The following HPSE2 variants were observed in gnomAD, a reference collection of about 807,000 sequenced individuals.
HPSE2 encodes the protein heparanase 2 (inactive).
HPSE2 carries 38 observed loss-of-function variants against 60.5 expected under a neutral mutation model. The observed-to-expected ratio is 0.63, with a 90% confidence interval of 0.48 to 0.82. HPSE2 has a LOEUF of 0.82. HPSE2 is among the 40% of genes least tolerant of loss of function. The pLI, the probability that HPSE2 is intolerant of heterozygous loss-of-function variation, is 0.00. For missense variants in HPSE2, 713 were observed against 740.4 expected (o/e 0.96, Z 0.43); for synonymous variants, 295 against 293.2 (o/e 1.01, Z -0.06).
the HPSE2 span, among the ~76,000 whole-genome samples, chr10:99,283,181 G>A: frequency 2.4e-4 from 30 of 126,408 alleles, no homozygotes; most frequent in African/African-American, 8.1e-4. Flanking sequence ...GTAAGACTCC[G>A]TCTCAGGTTA....
chr10:99,000,471 G>C (rs548111217), intron 3 of HPSE2, among the ~76,000 whole-genome samples: 1 of 152,156 alleles, frequency 6.6e-6, no homozygotes, highest in South Asian at 2.1e-4. Context: ...AAATTGCATA[G>C]AGTGACAAGA....
chr10:98,930,460 C>T (rs1954612949), intron 3 of HPSE2, among the ~76,000 whole-genome samples: 1 of 144,394 alleles, frequency 6.9e-6, no homozygotes, highest in Non-Finnish European at 1.5e-5. Flanking sequence ...GTGCATGTAT[C>T]TTTATAAAAG....
chr10:99,069,277 T>C (rs1431769785), intron 3 of HPSE2, among the ~76,000 whole-genome samples: 2 of 152,018 alleles, frequency 1.3e-5, no homozygotes, highest in Non-Finnish European at 2.9e-5. Context: ...AACCTGAATC[T>C]CAGAAGTCCT....
intron 6 of HPSE2, among the ~76,000 whole-genome samples, chr10:98,692,596 G>A (rs1948104532): frequency 6.6e-6 from 1 of 152,030 alleles, no homozygotes; most frequent in South Asian, 2.1e-4. Flanking sequence ...GTGAAACCCC[G>A]TCTCTACTAA....
the HPSE2 span, among the ~76,000 whole-genome samples, chr10:99,258,459 C>A: frequency 5.6e-4 from 85 of 151,964 alleles, no homozygotes; most frequent in African/African-American, 2.0e-3. Context: ...TCAATTCTCC[C>A]AAAATAGTTC....
At chr10:98,994,443 T>C (rs1270876718) in intron 3 of HPSE2, among the ~76,000 whole-genome samples, 2 of 152,094 alleles carry the variant, frequency 1.3e-5, no homozygotes, top group Non-Finnish European at 2.9e-5. Flanking sequence ...AATGGCTCCT[T>C]GGGCCTGCAA....
intron 2 of HPSE2, among the ~76,000 whole-genome samples, chr10:99,211,642 A>T (rs1381180532): frequency 6.6e-6 from 1 of 152,176 alleles, no homozygotes; most frequent in Non-Finnish European, 1.5e-5. Flanking sequence ...TGGTGTTGAG[A>T]AACTGGATAT....
intron 3 of HPSE2, among the ~76,000 whole-genome samples, chr10:98,984,242 C>T (rs573831530): frequency 1.3e-5 from 2 of 152,208 alleles, no homozygotes; most frequent in East Asian, 3.9e-4. Flanking sequence ...AGGCACCCCC[C>T]AGTAGGGGCA....
intron 3 of HPSE2, among the ~76,000 whole-genome samples, chr10:98,835,828 A>T (rs370835692): frequency 2.6e-5 from 4 of 152,176 alleles, no homozygotes; most frequent in East Asian, 3.8e-4. Context: ...GGGTCCTCAC[A>T]CCTTTTCTTT....
intron 5 of HPSE2, among the ~76,000 whole-genome samples, chr10:98,703,337 G>C (rs563586784): frequency 6.6e-6 from 1 of 152,200 alleles, no homozygotes; most frequent in East Asian, 1.9e-4. Flanking sequence ...GATCACAGCT[G>C]AATTCTACCA....
chr10:98,889,405 C>T (rs2134924131), intron 3 of HPSE2, among the ~76,000 whole-genome samples: 1 of 150,456 alleles, frequency 6.6e-6, no homozygotes, highest in Admixed American at 6.6e-5. Context: ...CAGAGTCTTG[C>T]CATTGTTGCC....
At chr10:98,941,875 A>C (rs10159555) in intron 3 of HPSE2, among the ~76,000 whole-genome samples, 11,937 of 139,960 alleles carry the variant, frequency 0.085, 2,182 homozygotes, top group African/African-American at 0.23. Context: ...CTGGTACCAA[A>C]ACAGAGATAT....
At chr10:98,779,093 C>G (rs1227159972) in intron 3 of HPSE2, among the ~76,000 whole-genome samples, 1 of 152,072 alleles carries the variant, frequency 6.6e-6, no homozygotes, top group East Asian at 1.9e-4. Context: ...GTATGAAATT[C>G]AGCTCCTCTT....
At chr10:99,237,536 G>A (rs1849890259), upstream of HPSE2, among the ~76,000 whole-genome samples, 1 of 152,202 alleles carries the variant, frequency 6.6e-6, no homozygotes, top group Admixed American at 6.5e-5. Context: ...CATCTGTGAA[G>A]CGCCATGACG....
chr10:98,902,738 C>T (rs1185900032), intron 3 of HPSE2, among the ~76,000 whole-genome samples: 4 of 152,076 alleles, frequency 2.6e-5, no homozygotes, highest in Non-Finnish European at 5.9e-5. Context: ...ACCCTACATA[C>T]AAATAATAAA....
chr10:99,033,271 T>A (rs1158805592), intron 3 of HPSE2, among the ~76,000 whole-genome samples: 1 of 152,168 alleles, frequency 6.6e-6, no homozygotes, highest in Non-Finnish European at 1.5e-5. Context: ...GGGGGGAGAT[T>A]ATTTGTATTT....
intron 2 of HPSE2, among the ~76,000 whole-genome samples, chr10:99,219,227 C>G (rs1239376522): frequency 1.3e-5 from 2 of 152,186 alleles, no homozygotes; most frequent in African/African-American, 4.8e-5. Flanking sequence ...TGGCATCCCA[C>G]AGAGTGCTCT....
chr10:98,470,691 A>G (rs987821226), intron 11 of HPSE2, among the ~76,000 whole-genome samples: 26 of 152,220 alleles, frequency 1.7e-4, no homozygotes, highest in African/African-American at 6.3e-4. Flanking sequence ...CTGTTTAGAA[A>G]TATGTTAGCT....
chr10:98,555,998 A>G (rs1403791667), intron 9 of HPSE2, among the ~76,000 whole-genome samples: 1 of 152,244 alleles, frequency 6.6e-6, no homozygotes, highest in Non-Finnish European at 1.5e-5. Context: ...GAGTGTCTCT[A>G]TAAAGACTTA....
Sources: gnomAD v4.1 joint callset for allele counts (sites outside exome capture counted in the v4.1 genomes callset) on GRCh38, gnomAD v4.1.1 for gene constraint, MANE v1.5 for transcripts, NCBI Gene and HGNC (gene_info 2026-07-23, HGNC 2026-07-21) for gene names.